The following TPD52 variants were observed in gnomAD, a reference collection of about 807,000 sequenced individuals.
TPD52 encodes prostate and colon associated protein.
A neutral mutation model predicts 31.3 loss-of-function variants in TPD52; 17 were observed. The ratio of observed to expected loss-of-function variants is 0.54; its 90% confidence interval spans 0.37 to 0.82. The LOEUF (loss-of-function observed/expected upper bound fraction) is 0.82. Among genes scored for constraint, TPD52 ranks in the 40% least tolerant of loss-of-function variants. TPD52 has a pLI of 0.00. For synonymous variants in TPD52, 83 were observed against 89.6 expected, an observed-to-expected ratio of 0.93 and a Z score of 0.42; for missense variants, 212 against 240.1, an observed-to-expected ratio of 0.88 and a Z score of 0.77.
intron 1 of TPD52, among the ~76,000 whole-genome samples, chr8:80,164,036 G>C (rs1811546484): frequency 6.9e-6 from 1 of 145,132 alleles, no homozygotes; most frequent in Admixed American, 6.9e-5. Flanking sequence ...GAGAGAGAGA[G>C]AGAGAGAGAG....
At chr8:80,088,931 G>A (rs1207243723) in intron 1 of TPD52, among the ~76,000 whole-genome samples, 1 of 152,090 alleles carries the variant, frequency 6.6e-6, no homozygotes, top group African/African-American at 2.4e-5. Flanking sequence ...TCCTGACCTC[G>A]TGATCCGCCC....
intron 1 of TPD52, among the ~76,000 whole-genome samples, chr8:80,067,872 G>C (rs78687993): frequency 6.6e-6 from 1 of 151,298 alleles, no homozygotes; most frequent in Non-Finnish European, 1.5e-5. Context: ...TTATATATTC[G>C]TCTAGATATG....
Position 80,068,275 on chromosome 8 carries a change from T to C in TPD52, c.20-3682A>G, listed in dbSNP as rs914254619. On this transcript the variant is annotated intron_variant, in intron 1 of 7. Coordinates refer to ENST00000518937, the MANE Select transcript of TPD52 (RefSeq NM_001025253.3). ...CTGCGGTCCTCTAAGGCTATATAAT[T>C]TGCCCAGAGTTACAGAGGCAGGATT... 3.9e-5 allele frequency among the ~76,000 whole-genome samples: 6 copies of C among 152,148 alleles called. No homozygotes were observed. In the East Asian group the frequency reaches 9.6e-4, roughly 24 times the overall value.
intron 2 of TPD52, among the ~76,000 whole-genome samples, chr8:80,059,607 A>T (rs1812290401): frequency 6.6e-6 from 1 of 152,138 alleles, no homozygotes; most frequent in South Asian, 2.1e-4. Flanking sequence ...TAATCCCAGC[A>T]CTTTGGGAGG....
intron 1 of TPD52, among the ~76,000 whole-genome samples, chr8:80,076,979 T>A (rs939720950): frequency 9.3e-5 from 14 of 151,018 alleles, no homozygotes; most frequent in South Asian, 4.3e-4. Flanking sequence ...AAGTTTTTTT[T>A]AAAAAAGAAA....
intron 1 of TPD52, among the ~76,000 whole-genome samples, chr8:80,147,733 C>A (rs1340021929): frequency 6.6e-6 from 1 of 152,024 alleles, no homozygotes; most frequent in East Asian, 1.9e-4. Context: ...ATGGAACAAA[C>A]CTTAGTGAGG....
At chr8:80,100,512 T>C (rs1385799252) in intron 1 of TPD52, among the ~76,000 whole-genome samples, 5 of 152,330 alleles carry the variant, frequency 3.3e-5, no homozygotes, top group Admixed American at 2.0e-4. Flanking sequence ...ACCAGGTTCA[T>C]ACTGGCTGCT....
At chr8:80,109,345 A>T (rs534739473) in intron 1 of TPD52, among the ~76,000 whole-genome samples, 266 of 152,360 alleles carry the variant, frequency 1.7e-3, no homozygotes, top group African/African-American at 6.1e-3. Flanking sequence ...CTGCACTTAC[A>T]TAATCAGGCC....
intron 1 of TPD52, among the ~76,000 whole-genome samples, chr8:80,129,020 T>C (rs997354786): frequency 1.3e-5 from 2 of 152,246 alleles, no homozygotes; most frequent in East Asian, 1.9e-4. Context: ...TGCTTGAATG[T>C]CTTCTAACTT....
intron 1 of TPD52, among the ~76,000 whole-genome samples, chr8:80,081,789 T>C (rs1422083241): frequency 1.3e-5 from 2 of 152,188 alleles, no homozygotes; most frequent in African/African-American, 4.8e-5. Context: ...TGTTGTACTC[T>C]ATTTACAGTA....
intron 1 of TPD52, among the ~76,000 whole-genome samples, chr8:80,140,107 C>T (rs961238560): frequency 2.6e-5 from 4 of 152,244 alleles, no homozygotes; most frequent in South Asian, 2.1e-4. Context: ...GACACACAGA[C>T]GCTGGTTCGA....
intron 7 of TPD52, among the ~76,000 whole-genome samples, chr8:80,040,185 CTTTTTTTTTT>C (rs34611433): frequency 4.2e-5 from 4 of 95,686 alleles, no homozygotes; most frequent in African/African-American, 9.7e-5. Flanking sequence ...ATACGCTATC[CTTTTTTTTTT>C]TTTTTTTTTT....
At chr8:80,085,317 T>C (rs951546866) in intron 1 of TPD52, among the ~76,000 whole-genome samples, 4 of 152,178 alleles carry the variant, frequency 2.6e-5, no homozygotes, top group African/African-American at 7.2e-5. Flanking sequence ...ACGGAAATGG[T>C]AGTAGGTACA....
At chr8:80,082,068 A>G (rs960066804) in intron 1 of TPD52, among the ~76,000 whole-genome samples, 4 of 151,720 alleles carry the variant, frequency 2.6e-5, no homozygotes, top group African/African-American at 9.7e-5. Context: ...TCGGCCTCCC[A>G]AAGTTCTCGG....
intron 1 of TPD52, among the ~76,000 whole-genome samples, chr8:80,120,442 C>T (rs1487917120): frequency 2.0e-5 from 3 of 151,444 alleles, no homozygotes; most frequent in Admixed American, 6.6e-5. Context: ...TGAGCTGCCA[C>T]GGCACTCCAG....
chr8:80,033,962 G>A (rs1019651315), downstream of TPD52, among the ~76,000 whole-genome samples: 7 of 152,170 alleles, frequency 4.6e-5, no homozygotes, highest in Admixed American at 3.9e-4. Flanking sequence ...CTGGCTTGAG[G>A]GTGGGGTTTC....
At chr8:80,044,237 A>C in intron 5 of TPD52, 29 bp from the exon 6 acceptor site, 2 of 1,550,470 alleles carry the variant, frequency 1.3e-6, no homozygotes, top group Non-Finnish European at 1.7e-6. Context: ...AAGAGATAGA[A>C]ATAAGGTTAG....
At chr8:80,077,975 C>T (rs1380366464) in intron 1 of TPD52, among the ~76,000 whole-genome samples, 3 of 152,200 alleles carry the variant, frequency 2.0e-5, no homozygotes, top group Non-Finnish European at 4.4e-5. Context: ...TGTCAGAGTA[C>T]ATCACATATA....
At chr8:80,112,573 C>T (rs980265460) in intron 1 of TPD52, among the ~76,000 whole-genome samples, 4 of 152,144 alleles carry the variant, frequency 2.6e-5, no homozygotes, top group Non-Finnish European at 5.9e-5. Flanking sequence ...AATCGTATCT[C>T]GCAAGTCTAA....
Sources: allele counts gnomAD v4.1 joint callset (sites outside exome capture counted in the v4.1 genomes callset), GRCh38; gene constraint gnomAD v4.1.1; transcripts MANE v1.5; gene names NCBI Gene and HGNC (gene_info 2026-07-23, HGNC 2026-07-21).